The following TTLL9 variants were observed in gnomAD, a reference collection of about 807,000 sequenced individuals.
TTLL9 encodes probable tubulin polyglutamylase TTLL9.
A neutral mutation model predicts 65.6 loss-of-function variants in TTLL9; 47 were observed. The observed-to-expected ratio is 0.72, with a 90% CI of 0.57 to 0.91. TTLL9 has a LOEUF of 0.91. TTLL9 is among the 40% of genes least tolerant of loss of function. The pLI, the probability that TTLL9 is intolerant of heterozygous loss-of-function variation, is 0.00. For missense variants in TTLL9, 537 were observed against 568.8 expected, an observed-to-expected ratio of 0.94 and a Z score of 0.57; for synonymous variants, 179 against 204.8, an observed-to-expected ratio of 0.87 and a Z score of 1.07.
chr20:31,889,982 C>CTTTCTT (rs1280231819), intron 3 of TTLL9, among the ~76,000 whole-genome samples: 1 of 94,830 alleles, frequency 1.1e-5, no homozygotes, highest in Admixed American at 1.1e-4. Context: ...CTCTTTCTTT[C>CTTTCTT]TTTCTTTCTT....
rs12481207 is a variant in TTLL9, at chr20:31,913,642, T to C, written c.504+3720T>C. ...CAGTGGCAGCAGAGCAGCCCAGGAC[T>C]CAGAAGGGAGCAGGCAGCATCATTC... On this transcript the variant is annotated intron_variant, in intron 6 of 14. Coordinates refer to ENST00000535842, the MANE Select transcript of TTLL9 (RefSeq NM_001008409.5). Among the ~76,000 whole-genome samples the C allele has an allele frequency of 4.5e-3, 678 of 152,260 alleles. 20 individuals are homozygous for C. Among genetic ancestry groups the C allele is most frequent in the Admixed American group, 0.042 (645 of 15,300 alleles).
chr20:31,915,412 G>T lies in TTLL9; in HGVS notation c.505-4452G>T, dbSNP rs541299412. 3.3e-5 allele frequency among the ~76,000 whole-genome samples: 5 copies of T among 152,276 alleles called. No homozygotes were observed. In the South Asian group the frequency reaches 1.0e-3, roughly 32 times the overall value. Reference sequence around the variant, plus strand: ...CAGGAGAATGGCATGAATCCAGGAGGCTGAGCTTGCAGTAAGCCGAGATCC... The same window carrying T: ...CAGGAGAATGGCATGAATCCAGGAGTCTGAGCTTGCAGTAAGCCGAGATCC... On this transcript the variant is annotated intron_variant, in intron 6 of 14. Transcript: ENST00000535842.
At chr20:31,901,992 A>G (rs1002581100) in intron 4 of TTLL9, among the ~76,000 whole-genome samples, 1 of 152,220 alleles carries the variant, frequency 6.6e-6, no homozygotes, top group Non-Finnish European at 1.5e-5. Flanking sequence ...ACCTCAACAC[A>G]TACATGTTGG....
intron 6 of TTLL9, among the ~76,000 whole-genome samples, chr20:31,918,615 C>T (rs1264712450): frequency 6.6e-6 from 1 of 152,174 alleles, no homozygotes; most frequent in African/African-American, 2.4e-5. Flanking sequence ...AACTCCTGAG[C>T]TTAAATAATC....
intron 10 of TTLL9, among the ~76,000 whole-genome samples, chr20:31,930,604 C>T (rs780429321): frequency 6.6e-6 from 1 of 152,196 alleles, no homozygotes; most frequent in African/African-American, 2.4e-5. Context: ...ATTTGCTACA[C>T]ATCTTTTCTG....
At chr20:31,892,414 C>T (rs2063320322) in intron 3 of TTLL9, among the ~76,000 whole-genome samples, 1 of 152,154 alleles carries the variant, frequency 6.6e-6, no homozygotes, top group African/African-American at 2.4e-5. Context: ...AAGTGATCCA[C>T]CTGCTTCGGC....
chr20:31,891,412 CTT>C (rs1348746054), intron 3 of TTLL9, among the ~76,000 whole-genome samples: 10 of 151,822 alleles, frequency 6.6e-5, no homozygotes, highest in African/African-American at 2.2e-4. Flanking sequence ...AATTGTATCT[CTT>C]TGTCGTTTCG....
intron 13 of TTLL9, among the ~76,000 whole-genome samples, chr20:31,937,914 A>G (rs886098761): frequency 3.3e-5 from 5 of 152,036 alleles, no homozygotes; most frequent in Non-Finnish European, 7.4e-5. Context: ...TAAGTGCTCA[A>G]TACAAAGCTA....
Position 31,890,096 on chromosome 20 carries a change from CCCTCCCTTCCTTCCTT to C in TTLL9, c.113+2861_113+2876del, listed in dbSNP as rs1258308776. ...GCTTTCTTGCTTTCTTGCTTTCTTT[CCCTCCCTTCCTTCCTT>C]CCTTCCTTCCTTCCTTCCTTCCTTC... On this transcript the variant is annotated intron_variant, in intron 3 of 14. Coordinates refer to ENST00000535842, the MANE Select transcript of TTLL9 (RefSeq NM_001008409.5). Among the ~76,000 whole-genome samples the C allele has an allele frequency of 5.4e-4, 40 of 73,932 alleles. 2 individuals are homozygous for C. Among genetic ancestry groups the C allele is most frequent in the African/African-American group, 2.4e-3 (35 of 14,636 alleles). The allele number at this position is 73,932 out of a possible 152,430, so 48.5% of individuals were successfully genotyped here.
intron 3 of TTLL9, among the ~76,000 whole-genome samples, chr20:31,896,703 T>C (rs2063393745): frequency 6.6e-6 from 1 of 152,038 alleles, no homozygotes; most frequent in South Asian, 2.1e-4. Context: ...CTAATTTTTG[T>C]ATTTTTAGTA....
At chr20:31,928,977 G>T (rs1216102061) in intron 10 of TTLL9, among the ~76,000 whole-genome samples, 1 of 152,212 alleles carries the variant, frequency 6.6e-6, no homozygotes, top group Non-Finnish European at 1.5e-5. Context: ...CTGGGCTCAA[G>T]TGATCCTCCC....
In TTLL9 at chr20:31,944,150, T is replaced by C. The variant is rs561677063; in HGVS notation, c.*1129T>C. ...CTTCTGCCTTCAGAGCATGAGGACT[T>C]CTCCCACTCATCCCTGTACCTGAGG... is the stretch of plus-strand genomic sequence containing the variant. On this transcript the variant is annotated 3_prime_UTR_variant, in exon 15 of 15. Transcript: ENST00000535842. 2.0e-4 allele frequency: 52 copies of C among 254,068 alleles called. 1 individual carries two copies. The South Asian group carries it at 2.4e-3, about 12-fold the overall frequency. 15.7% of individuals were successfully genotyped at this position (254,068 alleles called of 1,614,324 possible).
At chr20:31,874,333 A>G (rs1208016290) in intron 2 of TTLL9, among the ~76,000 whole-genome samples, 1 of 152,108 alleles carries the variant, frequency 6.6e-6, no homozygotes, top group African/African-American at 2.4e-5. Context: ...ATTTCCTTGT[A>G]ACTGTGAATG....
At chr20:31,920,136 C>T (rs141422180) in intron 7 of TTLL9, among the ~76,000 whole-genome samples, 51 of 152,156 alleles carry the variant, frequency 3.4e-4, no homozygotes, top group African/African-American at 1.2e-3. Context: ...AGCTGTGTGC[C>T]CTTGAGCAAG....
At chr20:31,886,323 C>G (rs373900052) in intron 2 of TTLL9, among the ~76,000 whole-genome samples, 5 of 152,356 alleles carry the variant, frequency 3.3e-5, no homozygotes, top group East Asian at 3.9e-4. Context: ...TTCGATTTCT[C>G]TCTTCATACG....
At chr20:31,897,544 C>T (rs1384816076) in intron 3 of TTLL9, among the ~76,000 whole-genome samples, 1 of 152,138 alleles carries the variant, frequency 6.6e-6, no homozygotes, top group Admixed American at 6.6e-5. Context: ...CCTCTAGGCC[C>T]CCTTTAACAT....
intron 10 of TTLL9, among the ~76,000 whole-genome samples, chr20:31,931,230 C>A (rs2064004201): frequency 6.6e-6 from 1 of 151,960 alleles, no homozygotes; most frequent in Non-Finnish European, 1.5e-5. Flanking sequence ...CAGGCACGCA[C>A]CACCATGCCC....
intron 10 of TTLL9, among the ~76,000 whole-genome samples, chr20:31,931,525 C>T (rs1376759201): frequency 6.6e-6 from 1 of 152,234 alleles, no homozygotes; most frequent in East Asian, 1.9e-4. Flanking sequence ...ACCTGCCTGC[C>T]TTGACCTCCC....
intron 10 of TTLL9, among the ~76,000 whole-genome samples, chr20:31,926,411 G>A (rs187673007): frequency 8.4e-4 from 128 of 152,294 alleles, no homozygotes; most frequent in Non-Finnish European, 1.3e-3. Flanking sequence ...GTGTCCTGGC[G>A]AGGCTGGGAG....
Sources: gnomAD v4.1 joint callset for allele counts (sites outside exome capture counted in the v4.1 genomes callset) on GRCh38, gnomAD v4.1.1 for gene constraint, MANE v1.5 for transcripts, NCBI Gene and HGNC (gene_info 2026-07-23, HGNC 2026-07-21) for gene names.